Variants in ASAP2 observed in about 807,000 individuals in gnomAD.
ASAP2 encodes the protein arf-GAP with SH3 domain, ANK repeat and PH domain-containing protein 2.
A neutral mutation model predicts 131.4 loss-of-function variants in ASAP2; 45 were observed. The ratio of observed to expected loss-of-function variants is 0.34; its 90% confidence interval spans 0.27 to 0.44. ASAP2 has a LOEUF of 0.44. Ranked by LOEUF, ASAP2 falls within the 20% of genes least tolerant of loss-of-function variation. The probability of loss-of-function intolerance (pLI) is 1.00; values close to 1 mark genes in which losing one functional copy is unlikely to be tolerated. For missense variants in ASAP2, 1,011 were observed against 1,297.0 expected, an observed-to-expected ratio of 0.78 and a Z score of 3.39; for synonymous variants, 510 against 503.0, an observed-to-expected ratio of 1.01 and a Z score of -0.19.
At position 9,388,506 on chromosome 2, in the gene ASAP2, C is replaced by T. The variant is rs1242861539; in HGVS notation, c.2343C>T (p.Thr781=). The T allele has an allele frequency of 4.3e-6, 7 of 1,613,618 alleles. No individual in the cohort carries two copies. Among genetic ancestry groups the T allele is most frequent in the Non-Finnish European group, 5.1e-6 (6 of 1,179,884 alleles). Residue 781 remains threonine (T), a synonymous_variant, in exon 22 of 28, where the codon ACC becomes ACT. Transcript: ENST00000281419. Reference sequence around the variant, plus strand: ...CCGCCCAGCCTGCAGCCCCCAGCACCACCAGCGCCCCCCCGCTTCCTCCAC... The same window carrying T: ...CCGCCCAGCCTGCAGCCCCCAGCACTACCAGCGCCCCCCCGCTTCCTCCAC... ...PPPAQPAAPS[T]TSAPPLPPRN... is the part of the protein sequence containing the mutation.
intron 3 of ASAP2, among the ~76,000 whole-genome samples, chr2:9,317,784 C>G (rs1290195298): frequency 1.3e-5 from 2 of 150,078 alleles, no homozygotes; most frequent in African/African-American, 2.5e-5. Context: ...CCTCACACAC[C>G]CATACACAAT....
intron 2 of ASAP2, among the ~76,000 whole-genome samples, chr2:9,295,982 G>GC (rs1433279591): frequency 2.0e-5 from 3 of 152,176 alleles, no homozygotes; most frequent in African/African-American, 7.2e-5. Context: ...GTCAGGCCCA[G>GC]CCTAGCCATT....
intron 12 of ASAP2, among the ~76,000 whole-genome samples, chr2:9,355,423 G>A (rs1672631360): frequency 6.6e-6 from 1 of 152,184 alleles, no homozygotes; most frequent in South Asian, 2.1e-4. Context: ...GGCAAGAGCA[G>A]CACAGAATGA....
rs755665966 is a variant in ASAP2 at position 9,344,540 on chromosome 2, A to G, written c.858A>G (p.Gln286=). Residue 286 remains glutamine, a synonymous_variant, in exon 10 of 28, where the codon CAA becomes CAG. Coordinates refer to ENST00000281419, the MANE Select transcript of ASAP2 (RefSeq NM_003887.3). ...TCTTCACCATTTTTTAGGACTCCCA[A>G]ATTCGTCAGAGCACAGCTTATAGCT... is the stretch of plus-strand genomic sequence containing the variant. The part of the protein sequence containing the change: ...ALQVEQKEDS[Q]IRQSTAYSLH... The G allele has an allele frequency of 2.5e-6, 4 of 1,613,854 alleles. No individual in the cohort carries two copies. Among genetic ancestry groups the G allele is most frequent in the Admixed American group, 3.3e-5 (2 of 59,996 alleles).
At chr2:9,230,932 A>AG (rs1663115590) in intron 1 of ASAP2, among the ~76,000 whole-genome samples, 1 of 152,100 alleles carries the variant, frequency 6.6e-6, no homozygotes, top group Admixed American at 6.6e-5. Context: ...GAGGTGTGTG[A>AG]GGGAGGCCCT....
chr2:9,305,427 A>G (rs1310018211), intron 3 of ASAP2, among the ~76,000 whole-genome samples: 22 of 121,750 alleles, frequency 1.8e-4, no homozygotes, highest in African/African-American at 4.2e-4. Context: ...ATTGGTGGAG[A>G]GGCTGTAGTA....
intron 1 of ASAP2, among the ~76,000 whole-genome samples, chr2:9,263,502 A>G (rs1665721727): frequency 6.6e-6 from 1 of 152,088 alleles, no homozygotes; most frequent in Admixed American, 6.5e-5. Context: ...TTCCCCCTAA[A>G]TAAAAGTCAG....
intron 2 of ASAP2, among the ~76,000 whole-genome samples, chr2:9,297,007 C>T (rs1053749127): frequency 3.3e-5 from 5 of 152,076 alleles, no homozygotes; most frequent in South Asian, 2.1e-4. Flanking sequence ...GAAGAGTCCT[C>T]GGAGAGGTGG....
At chr2:9,302,322 G>C (rs1467715680) in intron 3 of ASAP2, among the ~76,000 whole-genome samples, 1 of 151,572 alleles carries the variant, frequency 6.6e-6, no homozygotes, top group Admixed American at 6.6e-5. Flanking sequence ...ACAGGCACGT[G>C]CCACCATGCC....
intron 1 of ASAP2, among the ~76,000 whole-genome samples, chr2:9,246,321 G>T (rs951661192): frequency 7.9e-5 from 12 of 152,104 alleles, no homozygotes; most frequent in African/African-American, 2.9e-4. Flanking sequence ...TACAGACAGG[G>T]TCTTGCTCTG....
chr2:9,354,552 G>T (rs939802229), intron 12 of ASAP2, among the ~76,000 whole-genome samples: 1 of 151,492 alleles, frequency 6.6e-6, no homozygotes, highest in South Asian at 2.1e-4. Context: ...TGGGAAGATC[G>T]CTTGAGCCTG....
intron 1 of ASAP2, among the ~76,000 whole-genome samples, chr2:9,243,837 G>A (rs1484093456): frequency 1.3e-5 from 2 of 152,168 alleles, no homozygotes; most frequent in African/African-American, 2.4e-5. Context: ...AGTTGTGAGG[G>A]ACCGATATAA....
chr2:9,288,962 C>T (rs1012040399), intron 2 of ASAP2, among the ~76,000 whole-genome samples: 4 of 152,184 alleles, frequency 2.6e-5, no homozygotes, highest in Non-Finnish European at 5.9e-5. Context: ...CTCTAAATGT[C>T]ATCTGCTCCA....
intron 11 of ASAP2, among the ~76,000 whole-genome samples, chr2:9,345,890 T>G (rs16866998): frequency 0.017 from 2,601 of 151,858 alleles, 71 homozygotes; most frequent in African/African-American, 0.06. Context: ...GCAGCAAGGA[T>G]TGTGTTCCTC....
At chr2:9,211,184 G>A (rs1661522445) in intron 1 of ASAP2, among the ~76,000 whole-genome samples, 1 of 151,204 alleles carries the variant, frequency 6.6e-6, no homozygotes, top group Non-Finnish European at 1.5e-5. Context: ...TTGTTGTCCT[G>A]GCAGCTGGTG....
intron 2 of ASAP2, among the ~76,000 whole-genome samples, chr2:9,292,069 G>C (rs1269803833): frequency 6.6e-6 from 1 of 152,120 alleles, no homozygotes; most frequent in Non-Finnish European, 1.5e-5. Flanking sequence ...CCTTGAGCAA[G>C]TCATCACCCT....
intron 19 of ASAP2, among the ~76,000 whole-genome samples, chr2:9,380,300 C>T (rs573067292): frequency 3.3e-5 from 5 of 152,072 alleles, no homozygotes; most frequent in African/African-American, 1.2e-4. Context: ...CAGGTTCAAG[C>T]GATTCTTCTG....
chr2:9,402,015 G>A (rs969409152), intron 27 of ASAP2, among the ~76,000 whole-genome samples: 2 of 152,192 alleles, frequency 1.3e-5, no homozygotes, highest in Non-Finnish European at 2.9e-5. Flanking sequence ...TGGATGAACC[G>A]GCTTGAATGG....
At chr2:9,327,497 T>A (rs185433180) in intron 6 of ASAP2, among the ~76,000 whole-genome samples, 9 of 152,304 alleles carry the variant, frequency 5.9e-5, no homozygotes. Flanking sequence ...GGAGTGTGTT[T>A]GAGATGGTTA....
Sources: gnomAD v4.1 joint callset for allele counts (sites outside exome capture counted in the v4.1 genomes callset) on GRCh38, gnomAD v4.1.1 for gene constraint, MANE v1.5 for transcripts, NCBI Gene and HGNC (gene_info 2026-07-23, HGNC 2026-07-21) for gene names.